Variants in DENND3 observed in about 807,000 individuals in gnomAD.
The protein encoded by DENND3 is DENN domain-containing protein 3.
A neutral mutation model predicts 135.1 loss-of-function variants in DENND3; 88 were observed. The observed-to-expected ratio is 0.65, with a 90% CI of 0.55 to 0.78. The LOEUF is 0.78. Ranked by LOEUF, DENND3 falls within the 30% of genes least tolerant of loss-of-function variation. The pLI is 0.00. For missense variants in DENND3, 1,392 were observed against 1,688.4 expected (o/e 0.82, Z 3.08); for synonymous variants, 693 against 712.3 (o/e 0.97, Z 0.43).
At chr8:141,147,511 C>T (rs781077104) in intron 5 of DENND3, among the ~76,000 whole-genome samples, 6 of 152,322 alleles carry the variant, frequency 3.9e-5, no homozygotes, top group African/African-American at 1.2e-4. Context: ...CCCTTGCACA[C>T]GCTGTTTCCA....
At chr8:141,135,048 C>T (rs528644670) in intron 1 of DENND3, among the ~76,000 whole-genome samples, 59 of 152,186 alleles carry the variant, frequency 3.9e-4, no homozygotes, top group African/African-American at 1.0e-3. Context: ...ACTGTGTTAG[C>T]CAGGATGGTC....
chr8:141,142,270 G>A (rs2154612787), intron 4 of DENND3: 1 of 430,166 alleles, frequency 2.3e-6, no homozygotes, highest in African/African-American at 2.0e-5. Flanking sequence ...TAAAGTTACA[G>A]TCTGAGAATT....
chr8:141,159,833 G>C (rs919615944), intron 8 of DENND3, among the ~76,000 whole-genome samples: 1 of 152,260 alleles, frequency 6.6e-6, no homozygotes, highest in African/African-American at 2.4e-5. Flanking sequence ...GTCCCTGAGT[G>C]AGGCCCTCTG....
intron 17 of DENND3, among the ~76,000 whole-genome samples, chr8:141,181,561 C>T (rs76505467): frequency 0.021 from 3,230 of 152,226 alleles, 120 homozygotes; most frequent in African/African-American, 0.072. Flanking sequence ...CCCTGCACGC[C>T]GCATCAGGGT....
At chr8:141,165,344 G>C in intron 11 of DENND3, 55 bp downstream of exon 11, 1 of 1,417,198 alleles carries the variant, frequency 7.1e-7, no homozygotes, top group South Asian at 1.2e-5. Context: ...CAGTGTTCAA[G>C]GACCTCAGTT....
intron 5 of DENND3, chr8:141,150,223 C>T: frequency 2.2e-6 from 2 of 913,478 alleles, no homozygotes; most frequent in Non-Finnish European, 2.9e-6. Context: ...CATTTCCTGG[C>T]AGGCTCAGAA....
At chr8:141,190,095 GCATGTTATTAT>G (rs200697568) in intron 19 of DENND3, among the ~76,000 whole-genome samples, 178 bp from the exon 20 acceptor site, 10 of 118,584 alleles carry the variant, frequency 8.4e-5, no homozygotes, top group Admixed American at 7.3e-4. Flanking sequence ...TAGCATGTTT[GCATGTTATTAT>G]CATGTTTGCA....
In DENND3 at chr8:141,128,783, C is replaced by G. The variant is rs976191348; in HGVS notation, c.76C>G (p.Arg26Gly). 2 of 1,462,034 alleles carry G rather than the reference C, an allele frequency of 1.4e-6. No individual in the cohort carries two copies. The highest frequency in any genetic ancestry group is 1.8e-6 in the Non-Finnish European group (2 of 1,107,908). 90.6% of individuals were successfully genotyped at this position (1,462,034 alleles called of 1,614,324 possible). A position where few individuals can be genotyped will look rare whatever the true frequency, so the allele number is the denominator to read the frequency against. The change falls in exon 1 of 23, where the codon CGG becomes GGG. Residue 26 changes from arginine to glycine, a missense_variant. Transcript: ENST00000519811. This position sits in a 1 kb window ranked among gnomAD's most constrained non-coding sequence, Gnocchi z 4.5. ...LELCALLGAP[R>G]DSLRSLEQVA... ...GCTCTGCGCGCTGCTGGGCGCCCCC[C>G]GGGACAGTCTCCGAAGTCTCGAGCA...
rs1569554503 is a variant in DENND3 at position 141,128,699 on chromosome 8, C to CG, written c.-6dup. 1 of 1,381,654 alleles carries CG rather than the reference C, an allele frequency of 7.2e-7. No individual in the cohort carries two copies. Among genetic ancestry groups the CG allele is most frequent in the Non-Finnish European group, 9.4e-7 (1 of 1,069,360 alleles). The allele number at this position is 1,381,654 out of a possible 1,614,324, so 85.6% of individuals were successfully genotyped here. A position where few individuals can be genotyped will look rare whatever the true frequency, so the allele number is the denominator to read the frequency against. On this transcript the variant is annotated 5_prime_UTR_variant, in exon 1 of 23. Coordinates refer to ENST00000519811, the MANE Select transcript of DENND3 (RefSeq NM_001352890.3). This position sits in a 1 kb window ranked among gnomAD's most constrained non-coding sequence, Gnocchi z 4.5. ...CGAGTGCGGTACTGGCGGCGGGCGGCGGGCAGCCATGGCGGAGGCCGCGTC... is the reference window on the plus strand; with the variant it reads ...CGAGTGCGGTACTGGCGGCGGGCGGCGGGGCAGCCATGGCGGAGGCCGCGTC...
At chr8:141,134,997 C>T (rs910455452) in intron 1 of DENND3, among the ~76,000 whole-genome samples, 1 of 152,130 alleles carries the variant, frequency 6.6e-6, no homozygotes, top group Non-Finnish European at 1.5e-5. Context: ...CGCCACCAAG[C>T]CCGGCTAATT....
chr8:141,158,458 G>T (rs1819715292), intron 8 of DENND3, among the ~76,000 whole-genome samples: 1 of 152,196 alleles, frequency 6.6e-6, no homozygotes, highest in Admixed American at 6.5e-5. Context: ...CGGAGGCTGG[G>T]CCCCGCTTTG....
chr8:141,175,755 C>T lies in DENND3; in HGVS notation c.2535+296C>T. On this transcript the variant is annotated intron_variant, in intron 14 of 22. Transcript: ENST00000519811. This position sits in a 1 kb window ranked among gnomAD's most constrained non-coding sequence, Gnocchi z 5.4. ...GGCAGGAAGTAAGAATGTGGGCTGA[C>T]ATTCTCATTAGGGACAGTAGGACGC... 1 of 448,682 alleles carries T rather than the reference C, an allele frequency of 2.2e-6. No homozygotes were observed. The highest frequency in any genetic ancestry group is 4.2e-6 in the Non-Finnish European group (1 of 240,640). The allele number at this position is 448,682 out of a possible 1,614,324, so 27.8% of individuals were successfully genotyped here.
Position 141,180,804 on chromosome 8 carries a change from C to T in DENND3, c.2894C>T (p.Ser965Leu), listed in dbSNP as rs753675192. ...LETLKHKINPSAGEAFPQAVD... is the reference protein window; with the variant it reads ...LETLKHKINPLAGEAFPQAVD... ...ACACTGAAGCATAAAATCAACCCCT[C>T]GGCGGGGGAGGCGTTCCCACAAGCG... Residue 965 changes from serine (S) to leucine (L), a missense_variant, in exon 17 of 23, where the codon TCG (serine) becomes TTG (leucine). Transcript: ENST00000519811. 96 of 1,613,366 alleles carry T rather than the reference C, an allele frequency of 6.0e-5. No homozygotes were observed. Among genetic ancestry groups the T allele is most frequent in the Non-Finnish European group, 7.6e-5 (90 of 1,179,654 alleles).
chr8:141,158,157 G>C (rs963251435), intron 8 of DENND3: 1 of 1,289,504 alleles, frequency 7.8e-7, no homozygotes, highest in Non-Finnish European at 1.0e-6. Flanking sequence ...GTTTCTGCTT[G>C]CTTGGGCTGT....
At chr8:141,134,326 G>T (rs891818505) in intron 1 of DENND3, among the ~76,000 whole-genome samples, 3 of 150,034 alleles carry the variant, frequency 2.0e-5, no homozygotes, top group African/African-American at 7.4e-5. Context: ...AGACAGTCTC[G>T]CTCTGTTGCC....
intron 9 of DENND3, among the ~76,000 whole-genome samples, chr8:141,162,022 C>G (rs549127361): frequency 6.6e-6 from 1 of 152,110 alleles, no homozygotes; most frequent in Non-Finnish European, 1.5e-5. Flanking sequence ...CCAGGCTAGT[C>G]TCCAACTCCT....
Position 141,130,321 on chromosome 8 carries a change from C to G in DENND3, c.102+1512C>G, listed in dbSNP as rs1589509995. On this transcript the variant is annotated intron_variant, in intron 1 of 22. Coordinates refer to ENST00000519811, the MANE Select transcript of DENND3 (RefSeq NM_001352890.3). This position sits in a 1 kb window ranked among gnomAD's most constrained non-coding sequence, Gnocchi z 4.2. ...CTGAGCTCAAGTGATCCTCCCGCCT[C>G]AGCCTTTCAAAGTGCTGGGATTACA... 6.6e-6 allele frequency among the ~76,000 whole-genome samples: 1 copy of G among 152,204 alleles called. No homozygotes were observed. The highest frequency in any genetic ancestry group is 1.9e-4 in the East Asian group (1 of 5,200).
At chr8:141,161,611 T>C (rs1820135088) in intron 9 of DENND3, among the ~76,000 whole-genome samples, 1 of 152,188 alleles carries the variant, frequency 6.6e-6, no homozygotes, top group South Asian at 2.1e-4. Context: ...CCCTTTCTCC[T>C]TTTCTCTGGC....
chr8:141,180,403 T>C (rs1467049642), intron 16 of DENND3, among the ~76,000 whole-genome samples: 1 of 152,162 alleles, frequency 6.6e-6, no homozygotes, highest in Non-Finnish European at 1.5e-5. Context: ...CACTGTGTCA[T>C]GTTTGGGTGT....
Sources: allele counts gnomAD v4.1 joint callset (sites outside exome capture counted in the v4.1 genomes callset), GRCh38; gene constraint gnomAD v4.1.1; non-coding constraint Gnocchi (gnomAD v3.1); transcripts MANE v1.5; gene names NCBI Gene and HGNC (gene_info 2026-07-23, HGNC 2026-07-21).